RGS6: variants seen among roughly 807,000 people sequenced by gnomAD.
The protein encoded by RGS6 is regulator of G-protein signaling 6.
Under a neutral mutation model 78.5 loss-of-function variants are expected in RGS6, and 30 were observed. The ratio of observed to expected loss-of-function variants is 0.38; its 90% CI spans 0.29 to 0.52. RGS6 has a LOEUF of 0.52. Ranked by LOEUF, RGS6 falls within the 20% of genes least tolerant of loss-of-function variation. The pLI, the probability that RGS6 is intolerant of heterozygous loss-of-function variation, is 0.85. For synonymous variants in RGS6, 206 were observed against 206.0 expected, an observed-to-expected ratio of 1.00 and a Z score of 0.00; for missense variants, 495 against 609.7, an observed-to-expected ratio of 0.81 and a Z score of 1.98.
At chr14:72,050,476 G>A (rs1180907579) in intron 2 of RGS6, among the ~76,000 whole-genome samples, 4 of 152,216 alleles carry the variant, frequency 2.6e-5, no homozygotes, top group Non-Finnish European at 4.4e-5. Context: ...GAGGTGGAAT[G>A]GAGTACAAGA....
At chr14:72,555,200 G>C (rs534668584) in intron 17 of RGS6, among the ~76,000 whole-genome samples, 2 of 152,202 alleles carry the variant, frequency 1.3e-5, no homozygotes, top group African/African-American at 4.8e-5. Context: ...CCTCCCTGGG[G>C]CATTTGCCAT....
rs151131126 is a variant in RGS6, at chr14:72,407,806, C to A, written c.185-46722C>A. Among the ~76,000 whole-genome samples the A allele has an allele frequency of 2.5e-3, 378 of 152,322 alleles. 6 individuals are homozygous for A. Among genetic ancestry groups the A allele is most frequent in the African/African-American group, 8.7e-3 (360 of 41,574 alleles). On this transcript the variant is annotated intron_variant, in intron 3 of 17. Coordinates refer to ENST00000553525, the MANE Select transcript of RGS6 (RefSeq NM_001204424.2). ...ATCATCTCATGGCCTCTCAACAGAT[C>A]AAGAGCACCATTACTACTGTTGCTT...
At chr14:72,217,022 G>A (rs2045746014) in intron 2 of RGS6, among the ~76,000 whole-genome samples, 1 of 152,116 alleles carries the variant, frequency 6.6e-6, no homozygotes, top group Admixed American at 6.6e-5. Context: ...ATTTTATAGT[G>A]GTAGCTCCTC....
At chr14:72,243,477 C>T (rs1237811111) in intron 2 of RGS6, among the ~76,000 whole-genome samples, 2 of 152,150 alleles carry the variant, frequency 1.3e-5, no homozygotes, top group African/African-American at 4.8e-5. Flanking sequence ...AACAAAGGCT[C>T]ATTATACATG....
chr14:71,871,946 T>C, the RGS6 span, among the ~76,000 whole-genome samples: 1 of 150,854 alleles, frequency 6.6e-6, no homozygotes, highest in Non-Finnish European at 1.5e-5. Context: ...CCTGGAGCAC[T>C]GAATTTGAGC....
chr14:72,370,366 T>C (rs1357459599), intron 3 of RGS6, among the ~76,000 whole-genome samples: 3 of 152,178 alleles, frequency 2.0e-5, no homozygotes, highest in Non-Finnish European at 4.4e-5. Context: ...ATAGGGGTTG[T>C]GGATTTGCTA....
At chr14:71,887,924 G>C in the RGS6 span, among the ~76,000 whole-genome samples, 152 of 152,234 alleles carry the variant, frequency 1.0e-3, no homozygotes, top group Admixed American at 2.6e-3. Flanking sequence ...CCTACTCACT[G>C]TTCTTACACC....
intron 13 of RGS6, among the ~76,000 whole-genome samples, chr14:72,506,229 T>C (rs1005453372): frequency 2.0e-5 from 3 of 150,748 alleles, no homozygotes; most frequent in African/African-American, 4.9e-5. Context: ...CTCAAAGAGC[T>C]AAAAAAAAAT....
At chr14:72,101,884 G>A (rs2095535845) in intron 2 of RGS6, among the ~76,000 whole-genome samples, 1 of 152,144 alleles carries the variant, frequency 6.6e-6, no homozygotes, top group African/African-American at 2.4e-5. Context: ...CTGATCCTTT[G>A]GAAGTATATT....
chr14:72,142,146 T>C (rs955598185), intron 2 of RGS6, among the ~76,000 whole-genome samples: 1 of 152,176 alleles, frequency 6.6e-6, no homozygotes, highest in Non-Finnish European at 1.5e-5. Flanking sequence ...TTGTACTAGC[T>C]TAAGACTAAA....
At chr14:72,440,703 G>A (rs770329566) in intron 3 of RGS6, among the ~76,000 whole-genome samples, 4 of 152,228 alleles carry the variant, frequency 2.6e-5, no homozygotes, top group Admixed American at 2.0e-4. Context: ...GTGAACCACC[G>A]CGCCTGGTGA....
At chr14:72,406,000 G>T (rs10148175) in intron 3 of RGS6, among the ~76,000 whole-genome samples, 1 of 152,142 alleles carries the variant, frequency 6.6e-6, no homozygotes. Flanking sequence ...AGATGTTAAG[G>T]TTACTGTAGA....
intron 15 of RGS6, among the ~76,000 whole-genome samples, chr14:72,526,196 T>A (rs140093952): frequency 2.6e-5 from 4 of 152,034 alleles, no homozygotes; most frequent in African/African-American, 9.6e-5. Context: ...CTCTGCCTCC[T>A]GGGTTCACGC....
intron 3 of RGS6, among the ~76,000 whole-genome samples, chr14:72,435,284 A>G (rs544467842): frequency 6.6e-6 from 1 of 152,348 alleles, no homozygotes; most frequent in East Asian, 1.9e-4. Flanking sequence ...TCCTAAGTGT[A>G]GAGACCCTCT....
chr14:72,443,455 G>C (rs933595810), intron 3 of RGS6, among the ~76,000 whole-genome samples: 21 of 152,220 alleles, frequency 1.4e-4, no homozygotes, highest in Admixed American at 3.9e-4. Context: ...TGCTGTGGAA[G>C]TGCTAGCAGT....
At chr14:72,589,130 G>A in the RGS6 span, among the ~76,000 whole-genome samples, 1 of 152,124 alleles carries the variant, frequency 6.6e-6, no homozygotes, top group Non-Finnish European at 1.5e-5. Context: ...AAGAAATACA[G>A]TTTAAAACCA....
chr14:72,399,450 G>A (rs1298866290), intron 3 of RGS6, among the ~76,000 whole-genome samples: 6 of 152,078 alleles, frequency 3.9e-5, no homozygotes, highest in Admixed American at 2.0e-4. Context: ...TGGGTTTCCT[G>A]AATACAGCAC....
chr14:72,328,387 A>G (rs771004426), intron 2 of RGS6, among the ~76,000 whole-genome samples: 2 of 152,234 alleles, frequency 1.3e-5, no homozygotes, highest in African/African-American at 4.8e-5. Context: ...CCCAGTACAT[A>G]ATAAGCACTC....
intron 14 of RGS6, among the ~76,000 whole-genome samples, chr14:72,513,429 G>A (rs1025399253): frequency 2.0e-5 from 3 of 152,304 alleles, no homozygotes; most frequent in Admixed American, 6.5e-5. Context: ...GACCAGCAGC[G>A]CATTTTGCTG....
Sources: gnomAD v4.1 joint callset for allele counts (sites outside exome capture counted in the v4.1 genomes callset) on GRCh38, gnomAD v4.1.1 for gene constraint, MANE v1.5 for transcripts, NCBI Gene and HGNC (gene_info 2026-07-23, HGNC 2026-07-21) for gene names.